The following CAMK2D variants were observed in gnomAD, a reference collection of about 807,000 sequenced individuals.
CAMK2D encodes the protein calcium/calmodulin-dependent protein kinase type II subunit delta.
Under a neutral mutation model 84.0 loss-of-function variants are expected in CAMK2D, and 37 were observed. The ratio of observed to expected loss-of-function variants is 0.44; its 90% CI spans 0.34 to 0.58. CAMK2D has a LOEUF of 0.58. CAMK2D is among the 20% of genes least tolerant of loss of function. The probability of loss-of-function intolerance (pLI) is 0.02; values close to 1 mark genes in which losing one functional copy is unlikely to be tolerated. For missense variants in CAMK2D, 448 were observed against 652.5 expected (o/e 0.69, Z 3.41); for synonymous variants, 202 against 212.5 (o/e 0.95, Z 0.43).
chr4:113,566,211 G>A (rs1051089876), intron 4 of CAMK2D, among the ~76,000 whole-genome samples: 1 of 152,176 alleles, frequency 6.6e-6, no homozygotes, highest in Non-Finnish European at 1.5e-5. Context: ...AGTTCAAAGA[G>A]CAGGAATCCC....
At chr4:113,461,521 T>G (rs892993812) in intron 17 of CAMK2D, among the ~76,000 whole-genome samples, 2 of 152,134 alleles carry the variant, frequency 1.3e-5, no homozygotes, top group East Asian at 3.9e-4. Context: ...GATGACTGGT[T>G]GCTTGATATG....
chr4:113,519,784 C>A (rs1337390706), intron 8 of CAMK2D, among the ~76,000 whole-genome samples: 1 of 152,070 alleles, frequency 6.6e-6, no homozygotes, highest in Non-Finnish European at 1.5e-5. Context: ...AATGCATTAT[C>A]TCATTTAATC....
intron 3 of CAMK2D, among the ~76,000 whole-genome samples, chr4:113,652,698 C>T (rs17046369): frequency 0.047 from 7,124 of 152,176 alleles, 538 homozygotes; most frequent in African/African-American, 0.16. Flanking sequence ...TTACTATAAA[C>T]TTCCAATACC....
At chr4:113,519,212 T>G (rs1322104514) in intron 8 of CAMK2D, among the ~76,000 whole-genome samples, 1 of 152,186 alleles carries the variant, frequency 6.6e-6, no homozygotes. Context: ...AATATGAACA[T>G]TTTCCTAATA....
At chr4:113,649,044 A>G (rs57636559) in intron 3 of CAMK2D, among the ~76,000 whole-genome samples, 8,615 of 152,208 alleles carry the variant, frequency 0.057, 688 homozygotes, top group African/African-American at 0.17. Flanking sequence ...AGAAACCTCA[A>G]AGAAACCTCT....
intron 4 of CAMK2D, among the ~76,000 whole-genome samples, chr4:113,585,386 C>T (rs17447200): frequency 0.061 from 9,289 of 152,032 alleles, 344 homozygotes; most frequent in South Asian, 0.099. Flanking sequence ...TGTGTGTGCA[C>T]GGACACAAAC....
In CAMK2D at chr4:113,454,252, TG is replaced by T. The variant is rs202106323; in HGVS notation, c.*292del. 17,968 of 320,920 alleles carry T rather than the reference TG, an allele frequency of 0.056. 607 individuals are homozygous for T. The highest frequency in any genetic ancestry group is 0.071 in the Non-Finnish European group (12,657 of 177,768). 19.9% of individuals were successfully genotyped at this position (320,920 alleles called of 1,614,324 possible). On this transcript the variant is annotated 3_prime_UTR_variant, in exon 21 of 21. Coordinates refer to ENST00000511664, the MANE Select transcript of CAMK2D (RefSeq NM_001321571.2). ...ATGAAGAGTTGTACTTGGAATATTG[TG>T]GATTTTTTTTTTTGTCTAATCTCCC...
chr4:113,495,785 G>C (rs1207883047), intron 16 of CAMK2D, among the ~76,000 whole-genome samples: 9 of 152,024 alleles, frequency 5.9e-5, no homozygotes, highest in Admixed American at 2.0e-4. Flanking sequence ...TTGTTGTAAA[G>C]GGCTCCACTT....
At chr4:113,628,489 C>T (rs10010256) in intron 3 of CAMK2D, among the ~76,000 whole-genome samples, 13,808 of 152,032 alleles carry the variant, frequency 0.091, 1,886 homozygotes, top group African/African-American at 0.29. Context: ...TTCTGGATTC[C>T]TGCCGTGAAA....
chr4:113,758,232 T>C (rs972880768), intron 2 of CAMK2D, among the ~76,000 whole-genome samples: 2 of 152,156 alleles, frequency 1.3e-5, no homozygotes, highest in Non-Finnish European at 2.9e-5. Context: ...TAGATCTTTC[T>C]CAGAATCATG....
chr4:113,703,592 C>A (rs999680636), intron 2 of CAMK2D, among the ~76,000 whole-genome samples: 1 of 152,150 alleles, frequency 6.6e-6, no homozygotes. Context: ...CAAAGTCTGA[C>A]GTGAGCCACC....
chr4:113,457,554 TTGGACAAAGC>T lies in CAMK2D; in HGVS notation c.1307-1_1315del. 1 of 1,612,400 alleles carries T rather than the reference TTGGACAAAGC, an allele frequency of 6.2e-7. No homozygotes were observed. The highest frequency in any genetic ancestry group is 8.5e-7 in the Non-Finnish European group (1 of 1,179,160). On this transcript the variant is annotated splice_acceptor_variant and coding_sequence_variant, in exon 19 of 21. Transcript: ENST00000511664. LOFTEE classifies it high-confidence loss of function. Reference sequence around the variant, plus strand: ...AATAGTGTGGATTGGTTTATTGCTTTTGGACAAAGCTGAAAGAGAAAAACATGAAAAGCAA... The same window carrying T: ...AATAGTGTGGATTGGTTTATTGCTTTTGAAAGAGAAAAACATGAAAAGCAA...
chr4:113,614,621 G>A (rs1023625928), intron 3 of CAMK2D, among the ~76,000 whole-genome samples: 2 of 152,112 alleles, frequency 1.3e-5, no homozygotes, highest in African/African-American at 2.4e-5. Context: ...ATAGCTGAAC[G>A]AAACTGCATG....
At chr4:113,704,499 T>C (rs960737826) in intron 2 of CAMK2D, among the ~76,000 whole-genome samples, 1 of 152,196 alleles carries the variant, frequency 6.6e-6, no homozygotes, top group African/African-American at 2.4e-5. Context: ...GAAACACGTA[T>C]ATTGTAATGT....
intron 3 of CAMK2D, among the ~76,000 whole-genome samples, chr4:113,626,295 T>C (rs892681877): frequency 3.1e-4 from 47 of 152,144 alleles, no homozygotes; most frequent in African/African-American, 1.1e-3. Flanking sequence ...AAAAACAAAT[T>C]CATTCTTTAG....
chr4:113,633,871 G>A (rs2099100134), intron 3 of CAMK2D, among the ~76,000 whole-genome samples: 1 of 152,176 alleles, frequency 6.6e-6, no homozygotes, highest in Non-Finnish European at 1.5e-5. Context: ...GCCTGGCACA[G>A]GATTTACATT....
At chr4:113,719,104 T>C (rs532737124) in intron 2 of CAMK2D, among the ~76,000 whole-genome samples, 34 of 152,202 alleles carry the variant, frequency 2.2e-4, no homozygotes, top group Non-Finnish European at 4.3e-4. Flanking sequence ...TGATTATTTA[T>C]ATAGCTTCAC....
rs554899069 is a variant in CAMK2D at position 113,546,415 on chromosome 4, C to T, written c.414+1229G>A. Among the ~76,000 whole-genome samples the T allele has an allele frequency of 2.0e-5, 3 of 152,228 alleles. No homozygotes were observed. The East Asian group carries it at 5.8e-4, about 29-fold the overall frequency. On this transcript the variant is annotated intron_variant, in intron 6 of 20. Coordinates refer to ENST00000511664, the MANE Select transcript of CAMK2D (RefSeq NM_001321571.2). The stretch of plus-strand genomic sequence containing the variant: ...GATCTTGGCTCTTCAGAAGAAAATG[C>T]CCTTAACCATACCTTTGCTTTTGAT...
chr4:113,468,336 A>G (rs868592344), intron 16 of CAMK2D, among the ~76,000 whole-genome samples: 31 of 152,298 alleles, frequency 2.0e-4, no homozygotes, highest in African/African-American at 7.5e-4. Context: ...GCAGGACAAC[A>G]AATGGGAATT....
Sources: gnomAD v4.1 joint callset for allele counts (sites outside exome capture counted in the v4.1 genomes callset) on GRCh38, gnomAD v4.1.1 for gene constraint, MANE v1.5 for transcripts, NCBI Gene and HGNC (gene_info 2026-07-23, HGNC 2026-07-21) for gene names.